AKAP6: variants seen among roughly 807,000 people sequenced by gnomAD.
AKAP6 encodes the protein A-kinase anchoring protein 6, also known as A-kinase anchor protein 6.
In AKAP6, 58 loss-of-function variants were observed where a neutral mutation model predicts 188.5. The ratio of observed to expected loss-of-function variants is 0.31; its 90% confidence interval spans 0.25 to 0.38. The LOEUF is 0.38. Ranked by LOEUF, AKAP6 falls within the 10% of genes least tolerant of loss-of-function variation. The pLI, the probability that AKAP6 is intolerant of heterozygous loss-of-function variation, is 1.00. For synonymous variants in AKAP6, 989 were observed against 998.6 expected, an observed-to-expected ratio of 0.99 and a Z score of 0.18; for missense variants, 2,710 against 2,740.0, an observed-to-expected ratio of 0.99 and a Z score of 0.24.
At chr14:32,540,278 A>C (rs1205013021) in intron 3 of AKAP6, among the ~76,000 whole-genome samples, 3 of 149,650 alleles carry the variant, frequency 2.0e-5, no homozygotes, top group African/African-American at 7.4e-5. Flanking sequence ...GGCTCACTGC[A>C]ACTTCTGCCT....
rs2034870349 is a variant in AKAP6, at chr14:32,835,895, T to C, written c.*6090T>C. On this transcript the variant is annotated 3_prime_UTR_variant, in exon 14 of 14. Coordinates refer to ENST00000280979, the MANE Select transcript of AKAP6 (RefSeq NM_004274.5). ...TAACAATGGCCCTTTAGTTTGAGAG[T>C]TGCCACATATTTGCATTTCCAGAGT... 6.6e-6 allele frequency: 1 copy of C among 152,168 alleles called. No individual in the cohort carries two copies. Among genetic ancestry groups the C allele is most frequent in the African/African-American group, 2.4e-5 (1 of 41,450 alleles). The allele number at this position is 152,168 out of a possible 1,614,324, so 9.4% of individuals were successfully genotyped here. A position where few individuals can be genotyped will look rare whatever the true frequency, so the allele number is the denominator to read the frequency against.
chr14:32,600,037 T>G (rs1885860154), intron 6 of AKAP6, among the ~76,000 whole-genome samples: 1 of 152,188 alleles, frequency 6.6e-6, no homozygotes. Context: ...AAGGAACAGA[T>G]TATAAATAAA....
intron 9 of AKAP6, among the ~76,000 whole-genome samples, chr14:32,724,990 TA>T (rs71432079): frequency 0.021 from 723 of 34,820 alleles, no homozygotes; most frequent in Middle Eastern, 0.038. Context: ...ATATTCAACC[TA>T]AAAAAAAAAA....
chr14:32,536,892 A>G (rs1882706088), intron 3 of AKAP6, among the ~76,000 whole-genome samples: 1 of 152,148 alleles, frequency 6.6e-6, no homozygotes, highest in Admixed American at 6.6e-5. Context: ...GTGGGTGTGT[A>G]CGCGCAGGCA....
chr14:32,786,303 T>TTTTTTTTTGTTTTG (rs1566710215), intron 12 of AKAP6, among the ~76,000 whole-genome samples: 3 of 73,764 alleles, frequency 4.1e-5, no homozygotes, highest in Non-Finnish European at 8.0e-5. Context: ...TTTATCTTTT[T>TTTTTTTTTGTTTTG]TTTTTTTTTT....
intron 4 of AKAP6, among the ~76,000 whole-genome samples, chr14:32,566,811 G>T (rs1884210465): frequency 6.6e-6 from 1 of 152,030 alleles, no homozygotes; most frequent in East Asian, 1.9e-4. Context: ...TTTTCTAAAA[G>T]ATGTCTATGA....
chr14:32,755,272 G>A (rs906691815), intron 11 of AKAP6, among the ~76,000 whole-genome samples: 1 of 151,118 alleles, frequency 6.6e-6, no homozygotes, highest in Non-Finnish European at 1.5e-5. Context: ...TCTTCTTCTT[G>A]AGTCTGCTGT....
intron 2 of AKAP6, among the ~76,000 whole-genome samples, chr14:32,497,237 C>G (rs1161246891): frequency 6.6e-6 from 1 of 152,036 alleles, no homozygotes; most frequent in Non-Finnish European, 1.5e-5. Context: ...GATTTGAAAC[C>G]TTTCCTCATG....
chr14:32,691,369 A>C (rs927849159), intron 8 of AKAP6, among the ~76,000 whole-genome samples: 9 of 152,118 alleles, frequency 5.9e-5, no homozygotes, highest in African/African-American at 2.2e-4. Context: ...GAGTAGCTGG[A>C]GCTTTTCCTG....
Position 32,681,677 on chromosome 14 carries a change from A to ATTT in AKAP6, c.2879+3235_2879+3237dup, listed in dbSNP as rs34833229. 6.6e-3 allele frequency among the ~76,000 whole-genome samples: 909 copies of ATTT among 138,184 alleles called. 12 individuals carry two copies. The highest frequency in any genetic ancestry group is 0.041 in the East Asian group (192 of 4,662). The allele number at this position is 138,184 out of a possible 152,430, so 90.7% of individuals were successfully genotyped here. On this transcript the variant is annotated intron_variant, in intron 8 of 13. Transcript: ENST00000280979. ...ATTAACTCATTCATTAATTTGACAA[A>ATTT]TTTTTTTTTTTTTTTTTTTGAGATA...
chr14:32,682,507 G>T (rs1889721238), intron 8 of AKAP6, among the ~76,000 whole-genome samples: 1 of 152,196 alleles, frequency 6.6e-6, no homozygotes, highest in Non-Finnish European at 1.5e-5. Flanking sequence ...AAATAAAACT[G>T]ATCTGGGGCT....
At chr14:32,364,683 G>A (rs1019233599) in intron 1 of AKAP6, among the ~76,000 whole-genome samples, 1 of 151,938 alleles carries the variant, frequency 6.6e-6, no homozygotes, top group Admixed American at 6.6e-5. Flanking sequence ...GATATTTCAA[G>A]GAAAGGAGAT....
chr14:32,560,992 T>C (rs1235687871), intron 4 of AKAP6, among the ~76,000 whole-genome samples: 1 of 152,204 alleles, frequency 6.6e-6, no homozygotes, highest in Non-Finnish European at 1.5e-5. Flanking sequence ...TACATTATAT[T>C]TTCATTTTAT....
intron 12 of AKAP6, among the ~76,000 whole-genome samples, chr14:32,802,459 G>A (rs1370958607): frequency 6.6e-6 from 1 of 152,164 alleles, no homozygotes; most frequent in Non-Finnish European, 1.5e-5. Flanking sequence ...CCAAATAGTA[G>A]TGAAAGAAAT....
chr14:32,445,960 C>T (rs867314742), intron 2 of AKAP6, among the ~76,000 whole-genome samples: 2 of 152,264 alleles, frequency 1.3e-5, no homozygotes, highest in South Asian at 4.1e-4. Flanking sequence ...GGGTGTGAAT[C>T]AGATTCCTGG....
At chr14:32,556,889 C>A (rs539899867) in intron 4 of AKAP6, among the ~76,000 whole-genome samples, 2 of 151,036 alleles carry the variant, frequency 1.3e-5, no homozygotes, top group African/African-American at 4.9e-5. Context: ...CATTTTGGGT[C>A]TTATGTTTAG....
intron 1 of AKAP6, among the ~76,000 whole-genome samples, chr14:32,418,214 C>T (rs145414346): frequency 1.3e-4 from 20 of 152,276 alleles, no homozygotes; most frequent in African/African-American, 4.6e-4. Context: ...TTATGAGAAA[C>T]TATTGCTAAC....
chr14:32,690,781 A>T (rs1003277866), intron 8 of AKAP6, among the ~76,000 whole-genome samples: 1 of 152,194 alleles, frequency 6.6e-6, no homozygotes. Flanking sequence ...AAGTTAGAAG[A>T]CTTTTTCTCC....
At chr14:32,597,594 C>T (rs1165778935) in intron 5 of AKAP6, among the ~76,000 whole-genome samples, 1 of 152,126 alleles carries the variant, frequency 6.6e-6, no homozygotes, top group Non-Finnish European at 1.5e-5. Flanking sequence ...TGAGGCTTCC[C>T]ATACATTGCC....
Sources: allele counts gnomAD v4.1 joint callset (sites outside exome capture counted in the v4.1 genomes callset), GRCh38; gene constraint gnomAD v4.1.1; transcripts MANE v1.5; gene names NCBI Gene and HGNC (gene_info 2026-07-23, HGNC 2026-07-21).